The following SEC11A variants were observed in gnomAD, a reference collection of about 807,000 sequenced individuals.
SEC11A encodes SEC11 homolog A, signal peptidase complex subunit.
SEC11A carries 14 observed loss-of-function variants against 25.6 expected under a neutral mutation model. The observed-to-expected ratio is 0.55, with a 90% CI of 0.36 to 0.85. The LOEUF is 0.85. SEC11A is among the 40% of genes least tolerant of loss of function. The probability of loss-of-function intolerance (pLI) is 0.01; values close to 1 mark genes in which losing one functional copy is unlikely to be tolerated. For synonymous variants in SEC11A, 83 were observed against 76.4 expected (o/e 1.09, Z -0.45); for missense variants, 153 against 222.9 (o/e 0.69, Z 2.00).
chr15:84,677,146 A>G (rs919526971), intron 4 of SEC11A, among the ~76,000 whole-genome samples: 2 of 152,168 alleles, frequency 1.3e-5, no homozygotes, highest in East Asian at 3.8e-4. Flanking sequence ...TGCCTGTGGA[A>G]AAGCTCTATT....
intron 1 of SEC11A, among the ~76,000 whole-genome samples, chr15:84,712,241 T>TA (rs60405847): frequency 6.1e-5 from 9 of 147,352 alleles, no homozygotes; most frequent in Non-Finnish European, 9.0e-5. Context: ...GACCTTGTCT[T>TA]AAAAAAAAAA....
intron 2 of SEC11A, among the ~76,000 whole-genome samples, chr15:84,691,268 T>G (rs79970094): frequency 0.012 from 1,786 of 152,012 alleles, 15 homozygotes; most frequent in African/African-American, 0.021. Flanking sequence ...GAGACAGGGT[T>G]TCACCACGTT....
At chr15:84,673,034 C>G in intron 4 of SEC11A, 1 of 190,834 alleles carries the variant, frequency 5.2e-6, no homozygotes, top group Non-Finnish European at 1.1e-5. Flanking sequence ...CCGGCAGCCA[C>G]CCCATCTGAG....
chr15:84,672,179 GT>G (rs910161725), intron 4 of SEC11A: 4 of 154,452 alleles, frequency 2.6e-5, no homozygotes, highest in Non-Finnish European at 5.8e-5. Flanking sequence ...CACACATTTT[GT>G]TTTTGACACA....
chr15:84,670,236 T>A, intron 5 of SEC11A, 167 bp from the exon 6 acceptor site: 1 of 485,730 alleles, frequency 2.1e-6, no homozygotes, highest in South Asian at 3.8e-5. Context: ...AAGCAAAATA[T>A]CACATTTCTT....
At chr15:84,711,515 A>C (rs1898265848) in intron 1 of SEC11A, among the ~76,000 whole-genome samples, 1 of 152,152 alleles carries the variant, frequency 6.6e-6, no homozygotes. Flanking sequence ...TTAAAAAACT[A>C]GAATAATAAA....
chr15:84,691,710 AGT>A (rs908279992), intron 1 of SEC11A, 66 bp from the exon 2 acceptor site: 4 of 898,458 alleles, frequency 4.5e-6, no homozygotes, highest in Admixed American at 4.0e-5. Flanking sequence ...AACTGAAAGC[AGT>A]AACAATTTGA....
At chr15:84,697,879 T>C (rs1897814233) in intron 1 of SEC11A, among the ~76,000 whole-genome samples, 1 of 152,196 alleles carries the variant, frequency 6.6e-6, no homozygotes. Context: ...AGCCTTATTA[T>C]TTTTTCTAAG....
At chr15:84,674,314 ATCACCTAATT>A (rs1204016243) in intron 4 of SEC11A, among the ~76,000 whole-genome samples, 1 of 151,884 alleles carries the variant, frequency 6.6e-6, no homozygotes, top group Non-Finnish European at 1.5e-5. Context: ...CTTTCAGTAA[ATCACCTAATT>A]TAAGAACATA....
Position 84,716,105 on chromosome 15 carries a change from G to T in SEC11A, c.-30C>A. ...GGGACGGCGAGCAGGACACCGGCAG[G>T]GGAAAGGGCGCGATGACCAGCGGGC... On this transcript the variant is annotated 5_prime_UTR_variant, in exon 1 of 6. Coordinates refer to ENST00000268220, the MANE Select transcript of SEC11A (RefSeq NM_014300.4). The T allele has an allele frequency of 6.2e-7, 1 of 1,610,834 alleles. No individual in the cohort carries two copies. Among genetic ancestry groups the T allele is most frequent in the South Asian group, 1.1e-5 (1 of 90,906 alleles).
chr15:84,687,647 G>A lies in SEC11A; in HGVS notation c.289C>T (p.Arg97Ter), dbSNP rs1238543152. 6 of 1,580,880 alleles carry A rather than the reference G, an allele frequency of 3.8e-6. No individual in the cohort carries two copies. The highest frequency in any genetic ancestry group is 1.4e-5 in the African/African-American group (1 of 72,464). ...IEGREIPIVH[R>*]VLKIHEKQNG... Reference sequence around the variant, plus strand: ...TACTTTTCATGAATCTTCAAGACTCGGTGAACTATAGGAATCTCTCTTCCT... The same window carrying A: ...TACTTTTCATGAATCTTCAAGACTCAGTGAACTATAGGAATCTCTCTTCCT... Residue 97 changes from arginine to a stop codon, truncating the protein, a stop_gained, in exon 3 of 6, where the codon CGA becomes TGA. Coordinates refer to ENST00000268220, the MANE Select transcript of SEC11A (RefSeq NM_014300.4). LOFTEE classifies it high-confidence loss of function.
chr15:84,692,330 C>T (rs772172930), intron 1 of SEC11A, among the ~76,000 whole-genome samples: 3 of 152,082 alleles, frequency 2.0e-5, no homozygotes, highest in Non-Finnish European at 4.4e-5. Flanking sequence ...CCACACCCGG[C>T]CCTCTATTAC....
intron 3 of SEC11A, chr15:84,685,988 A>C (rs1567037022): frequency 6.6e-6 from 1 of 151,736 alleles, no homozygotes; most frequent in Non-Finnish European, 1.5e-5. Context: ...CTTCTAGTAG[A>C]GATGGGTTTT....
intron 1 of SEC11A, among the ~76,000 whole-genome samples, chr15:84,697,276 C>T (rs1241659850): frequency 6.6e-6 from 1 of 151,876 alleles, no homozygotes; most frequent in Non-Finnish European, 1.5e-5. Flanking sequence ...AATAATAATA[C>T]AATAAAAATG....
chr15:84,683,832 A>G (rs1897344083), intron 3 of SEC11A, among the ~76,000 whole-genome samples: 1 of 152,108 alleles, frequency 6.6e-6, no homozygotes, highest in East Asian at 1.9e-4. Flanking sequence ...ATCTTACTAG[A>G]CCTATTAAGT....
intron 1 of SEC11A, among the ~76,000 whole-genome samples, chr15:84,709,164 A>AACATAAAAATAATTTGGCC (rs1451720199): frequency 6.6e-6 from 1 of 152,110 alleles, no homozygotes; most frequent in African/African-American, 2.4e-5. Context: ...ATAATTTGGC[A>AACATAAAAATAATTTGGCC]TAACATACTT....
chr15:84,677,364 G>C (rs1385568797), intron 4 of SEC11A, among the ~76,000 whole-genome samples: 1 of 151,614 alleles, frequency 6.6e-6, no homozygotes, highest in Non-Finnish European at 1.5e-5. Flanking sequence ...TTAATGCAGA[G>C]AGTACTAGAC....
chr15:84,679,365 T>A, intron 4 of SEC11A: 1 of 503,366 alleles, frequency 2.0e-6, no homozygotes, highest in Non-Finnish European at 3.6e-6. Context: ...AAAACAACAA[T>A]AACAACCACA....
chr15:84,686,204 A>T (rs1029100820), intron 3 of SEC11A, among the ~76,000 whole-genome samples: 23 of 151,650 alleles, frequency 1.5e-4, no homozygotes, highest in South Asian at 6.3e-4. Flanking sequence ...TGATTTTATT[A>T]AAAAAAAATA....
Sources: gnomAD v4.1 joint callset for allele counts (sites outside exome capture counted in the v4.1 genomes callset) on GRCh38, gnomAD v4.1.1 for gene constraint, MANE v1.5 for transcripts, NCBI Gene and HGNC (gene_info 2026-07-23, HGNC 2026-07-21) for gene names.